The following STK33 variants were observed in gnomAD, a reference collection of about 807,000 sequenced individuals.
STK33 encodes serine/threonine kinase 33.
STK33 carries 52 observed loss-of-function variants against 58.0 expected under a neutral mutation model. The observed-to-expected ratio is 0.90, with a 90% CI of 0.72 to 1.13. The LOEUF (loss-of-function observed/expected upper bound fraction) is 1.13. STK33 is among the 50% of genes most tolerant of loss of function. The probability of loss-of-function intolerance (pLI) is 0.00; values close to 1 mark genes in which losing one functional copy is unlikely to be tolerated. For missense variants in STK33, 630 were observed against 604.2 expected (o/e 1.04, Z -0.45); for synonymous variants, 215 against 200.1 (o/e 1.07, Z -0.63).
intron 1 of STK33, among the ~76,000 whole-genome samples, chr11:8,589,260 C>T (rs1446073822): frequency 6.6e-6 from 1 of 151,938 alleles, no homozygotes; most frequent in Non-Finnish European, 1.5e-5. Context: ...AAGAAAATAA[C>T]CCAAATGGTC....
chr11:8,472,373 T>G (rs1287305499), intron 6 of STK33, among the ~76,000 whole-genome samples: 2 of 152,210 alleles, frequency 1.3e-5, no homozygotes, highest in East Asian at 3.8e-4. Context: ...TTCTAGCTTT[T>G]GATTTAAAGT....
In STK33 at chr11:8,452,925, G is replaced by A. The variant is rs1440059574; in HGVS notation, c.787-19C>T. On this transcript the variant is annotated intron_variant, in intron 10 of 15. Transcript: ENST00000687296. Reference sequence around the variant, plus strand: ...CAGTCACCTGGGAGAAGAAATTCAAGCACAGTCACCTGTTTTCCTGTCCTA... The same window carrying A: ...CAGTCACCTGGGAGAAGAAATTCAAACACAGTCACCTGTTTTCCTGTCCTA... 2 of 1,606,724 alleles carry A rather than the reference G, an allele frequency of 1.2e-6. No individual in the cohort carries two copies. The highest frequency in any genetic ancestry group is 2.7e-5 in the African/African-American group (2 of 74,744).
At chr11:8,448,164 T>C (rs1465200049) in intron 11 of STK33, among the ~76,000 whole-genome samples, 1 of 152,182 alleles carries the variant, frequency 6.6e-6, no homozygotes, top group African/African-American at 2.4e-5. Context: ...CATTCCATGC[T>C]CACGGGTAGG....
intron 1 of STK33, among the ~76,000 whole-genome samples, chr11:8,554,765 A>G (rs1199921422): frequency 6.6e-6 from 1 of 152,166 alleles, no homozygotes; most frequent in Non-Finnish European, 1.5e-5. Flanking sequence ...GTACATACCC[A>G]AAGGAACCAA....
At chr11:8,353,428 A>G in the STK33 span, among the ~76,000 whole-genome samples, 1 of 152,224 alleles carries the variant, frequency 6.6e-6, no homozygotes. Flanking sequence ...TCACAGAAGC[A>G]TAGCTGCCTC....
the STK33 span, among the ~76,000 whole-genome samples, chr11:8,358,601 C>A: frequency 6.6e-5 from 10 of 152,128 alleles, no homozygotes; most frequent in African/African-American, 2.2e-4. Context: ...ACTCTTCCAC[C>A]CGAGGAATGG....
chr11:8,363,673 G>A, the STK33 span, among the ~76,000 whole-genome samples: 7 of 152,370 alleles, frequency 4.6e-5, no homozygotes, highest in South Asian at 2.1e-4. Context: ...ACAAACAACC[G>A]TGCGAATTGA....
At chr11:8,389,367 T>C (rs1434950829), downstream of STK33, among the ~76,000 whole-genome samples, 3 of 152,204 alleles carry the variant, frequency 2.0e-5, no homozygotes, top group South Asian at 6.2e-4. Context: ...ATTGACAGAA[T>C]GCCAATGAAT....
intron 6 of STK33, among the ~76,000 whole-genome samples, chr11:8,471,442 G>A (rs1248062122): frequency 6.6e-6 from 1 of 152,138 alleles, no homozygotes; most frequent in Non-Finnish European, 1.5e-5. Flanking sequence ...AGAAGTCCAT[G>A]ACATAGTGTA....
chr11:8,405,351 T>C (rs966424912), intron 15 of STK33, among the ~76,000 whole-genome samples: 1 of 152,248 alleles, frequency 6.6e-6, no homozygotes. Context: ...TTAGCATCTT[T>C]TCATATGCTT....
At chr11:8,360,952 T>A in the STK33 span, among the ~76,000 whole-genome samples, 2 of 152,220 alleles carry the variant, frequency 1.3e-5, no homozygotes, top group Non-Finnish European at 2.9e-5. Context: ...TTTAATTACA[T>A]CTGCAAAATC....
intron 11 of STK33, among the ~76,000 whole-genome samples, chr11:8,441,433 C>T (rs925574162): frequency 2.6e-5 from 4 of 151,866 alleles, no homozygotes; most frequent in Admixed American, 6.6e-5. Context: ...TTCACTGCAG[C>T]CTCAAACTAC....
intron 1 of STK33, among the ~76,000 whole-genome samples, chr11:8,544,301 T>C (rs913138768): frequency 1.1e-4 from 15 of 136,346 alleles, no homozygotes; most frequent in Admixed American, 5.5e-4. Flanking sequence ...GGAAATTTTA[T>C]ATATATATAT....
intron 1 of STK33, among the ~76,000 whole-genome samples, chr11:8,589,413 G>A (rs1416252706): frequency 6.6e-6 from 1 of 152,058 alleles, no homozygotes; most frequent in Non-Finnish European, 1.5e-5. Context: ...GATGCAAAAG[G>A]CCACATATTG....
the STK33 span, among the ~76,000 whole-genome samples, chr11:8,341,675 A>G: frequency 6.6e-6 from 1 of 152,212 alleles, no homozygotes; most frequent in Non-Finnish European, 1.5e-5. Context: ...TTTGTGGGGA[A>G]GCAGTTTAGA....
chr11:8,345,419 G>A, the STK33 span, among the ~76,000 whole-genome samples: 1 of 152,208 alleles, frequency 6.6e-6, no homozygotes. Context: ...TTCCTTCCAC[G>A]AATACGTATT....
intron 5 of STK33, among the ~76,000 whole-genome samples, 193 bp downstream of exon 5, chr11:8,474,488 G>A (rs1458482374): frequency 6.6e-6 from 1 of 151,954 alleles, no homozygotes; most frequent in African/African-American, 2.4e-5. Context: ...AATTAATTTG[G>A]GCAGTGGTTT....
Position 8,413,433 on chromosome 11 carries a change from AT to A in STK33, c.1344+61del, listed in dbSNP as rs569643548. ...ACAAAAAGACAGATTTGCAAAAAAA[AT>A]GTTCCAGGTGTGGTGAGGGTATTTT... On this transcript the variant is annotated intron_variant, in intron 15 of 15. Coordinates refer to ENST00000687296, the MANE Select transcript of STK33 (RefSeq NM_001352389.2). The A allele has an allele frequency of 3.2e-4, 488 of 1,510,152 alleles. 3 individuals are homozygous for A. In the South Asian group the frequency reaches 5.3e-3, roughly 16 times the overall value. 93.5% of individuals were successfully genotyped at this position (1,510,152 alleles called of 1,614,324 possible).
chr11:8,335,147 CAG>C, the STK33 span, among the ~76,000 whole-genome samples: 3 of 152,318 alleles, frequency 2.0e-5, no homozygotes, highest in Non-Finnish European at 4.4e-5. Context: ...CTGCAAATCG[CAG>C]AGAGGCCAGA....
Sources: allele counts gnomAD v4.1 joint callset (sites outside exome capture counted in the v4.1 genomes callset), GRCh38; gene constraint gnomAD v4.1.1; transcripts MANE v1.5; gene names NCBI Gene and HGNC (gene_info 2026-07-23, HGNC 2026-07-21).